Variants in ETS2 observed in about 807,000 individuals in gnomAD.
The protein encoded by ETS2 is ETS proto-oncogene 2, transcription factor, also known as protein C-ets-2.
ETS2 carries 19 observed loss-of-function variants against 54.9 expected under a neutral mutation model. The ratio of observed to expected loss-of-function variants is 0.35; its 90% confidence interval spans 0.24 to 0.51. The LOEUF is 0.51. ETS2 is among the 20% of genes least tolerant of loss of function. The pLI is 0.97. For missense variants in ETS2, 417 were observed against 593.0 expected (o/e 0.70, Z 3.08); for synonymous variants, 219 against 229.3 (o/e 0.95, Z 0.41).
At chr21:38,818,728 C>G (rs1444939839) in intron 7 of ETS2, 82 bp downstream of exon 7, 2 of 1,487,076 alleles carry the variant, frequency 1.3e-6, no homozygotes, top group Non-Finnish European at 1.9e-6. Flanking sequence ...TTAATAAATA[C>G]TTCCTGGATT....
intron 6 of ETS2, among the ~76,000 whole-genome samples, chr21:38,817,493 T>A (rs942372476): frequency 3.0e-4 from 46 of 152,368 alleles, no homozygotes; most frequent in African/African-American, 1.1e-3. Context: ...CGATCTTCCA[T>A]AGGTCAGCAC....
intron 6 of ETS2, among the ~76,000 whole-genome samples, chr21:38,817,573 A>C (rs2060940402): frequency 6.6e-6 from 1 of 152,252 alleles, no homozygotes; most frequent in South Asian, 2.1e-4. Context: ...CGCAGTCACC[A>C]GTAATGTTGG....
chr21:38,805,730 GC>G, upstream of ETS2: 2 of 915,002 alleles, frequency 2.2e-6, no homozygotes, highest in Admixed American at 9.2e-5. The surrounding 1 kb of genome is among the most constrained non-coding windows in gnomAD (Gnocchi z 5.2). Flanking sequence ...CCCTCCTGCT[GC>G]CCCCTTCCCT....
In ETS2 at chr21:38,814,342, C is replaced by T; in HGVS notation, c.254C>T (p.Ala85Val). Residue 85 changes from alanine (A) to valine (V), a missense_variant, in exon 4 of 10, where the codon GCT becomes GTT. Physicochemically the swap from Ala to Val is moderately conservative, Grantham distance 64. Coordinates refer to ENST00000360938, the MANE Select transcript of ETS2 (RefSeq NM_005239.6). The surrounding 1 kb of genome is among the most constrained non-coding windows in gnomAD (Gnocchi z 4.2). ...GCTGTGATGAGTCAAGCCTTAAAAG[C>T]TACCTTCAGTGGCTTCAAAAAGGAA... ...SKAVMSQALK[A>V]TFSGFKKEQR... The T allele has an allele frequency of 6.2e-7, 1 of 1,614,126 alleles. No homozygotes were observed.
chr21:38,821,738 G>T lies in ETS2; in HGVS notation c.1194+34G>T. On this transcript the variant is annotated intron_variant, in intron 9 of 9. Coordinates refer to ENST00000360938, the MANE Select transcript of ETS2 (RefSeq NM_005239.6). This position sits in a 1 kb window ranked among gnomAD's most constrained non-coding sequence, Gnocchi z 4.2. Reference sequence around the variant, plus strand: ...AGAGCCCTGGGAAATCTCTGGGCTTGAAAACCTGATTTCCTGCTTGCATTC... The same window carrying T: ...AGAGCCCTGGGAAATCTCTGGGCTTTAAAACCTGATTTCCTGCTTGCATTC... The T allele has an allele frequency of 6.8e-7, 1 of 1,473,378 alleles. No homozygotes were observed. Among genetic ancestry groups the T allele is most frequent in the South Asian group, 1.1e-5 (1 of 87,986 alleles). 91.3% of individuals were successfully genotyped at this position (1,473,378 alleles called of 1,614,324 possible). A position where few individuals can be genotyped will look rare whatever the true frequency, so the allele number is the denominator to read the frequency against.
At chr21:38,816,942 G>A in intron 5 of ETS2, 66 bp from the exon 6 acceptor site, 1 of 854,288 alleles carries the variant, frequency 1.2e-6, no homozygotes, top group South Asian at 1.4e-5. Flanking sequence ...AATTCAGAAA[G>A]TCAATTTGTT....
chr21:38,805,618 T>C, upstream of ETS2: 1 of 1,250,968 alleles, frequency 8.0e-7, no homozygotes, highest in Non-Finnish European at 1.0e-6. This position sits in a 1 kb window ranked among gnomAD's most constrained non-coding sequence, Gnocchi z 5.2. Flanking sequence ...GGAGGGAAGG[T>C]TGGGCCGGAA....
chr21:38,813,837 T>A (rs960377064), intron 3 of ETS2, among the ~76,000 whole-genome samples: 49 of 152,210 alleles, frequency 3.2e-4, no homozygotes, highest in African/African-American at 1.2e-3. Flanking sequence ...AAGGTGTGGT[T>A]CCATTACCGT....
chr21:38,809,554 T>A (rs2123407444), intron 1 of ETS2: 1 of 153,542 alleles, frequency 6.5e-6, no homozygotes, highest in Non-Finnish European at 1.5e-5. Flanking sequence ...CCTGGACTCC[T>A]TTCCTGTCTC....
intron 9 of ETS2, among the ~76,000 whole-genome samples, chr21:38,822,425 C>T (rs1030332381): frequency 3.3e-5 from 5 of 152,178 alleles, no homozygotes; most frequent in African/African-American, 4.8e-5. Context: ...CAGGAGGTTT[C>T]ACTGAGCTGG....
In ETS2 at chr21:38,821,632, A is replaced by G; in HGVS notation, c.1122A>G (p.Ser374=). The G allele has an allele frequency of 1.9e-6, 3 of 1,614,226 alleles. No individual in the cohort carries two copies. Among genetic ancestry groups the G allele is most frequent in the Non-Finnish European group, 2.5e-6 (3 of 1,180,036 alleles). ...QLWQFLLELL[S]DKSCQSFISW... The stretch of plus-strand genomic sequence containing the variant: ...GGCAGTTTCTCCTGGAGCTGCTATC[A>G]GACAAATCCTGCCAGTCATTCATCA... Residue 374 remains serine (S), a synonymous_variant, in exon 9 of 10, where the codon TCA becomes TCG. Transcript: ENST00000360938. The surrounding 1 kb of genome is among the most constrained non-coding windows in gnomAD (Gnocchi z 4.2).
In ETS2 at chr21:38,818,665, T is replaced by G; in HGVS notation, c.811+19T>G. On this transcript the variant is annotated intron_variant, in intron 7 of 9. Coordinates refer to ENST00000360938, the MANE Select transcript of ETS2 (RefSeq NM_005239.6). Reference sequence around the variant, plus strand: ...AATTCTGGTAAGATTGGAAGCATCTTTCAACAAGGCTGTTGCTTTGATTCT... The same window carrying G: ...AATTCTGGTAAGATTGGAAGCATCTGTCAACAAGGCTGTTGCTTTGATTCT... The G allele has an allele frequency of 6.2e-7, 1 of 1,613,768 alleles. No homozygotes were observed.
Position 38,815,084 on chromosome 21 carries a change from T to A in ETS2, c.505+103T>A, listed in dbSNP as rs568578010. On this transcript the variant is annotated intron_variant, in intron 5 of 9. Coordinates refer to ENST00000360938, the MANE Select transcript of ETS2 (RefSeq NM_005239.6). ...TGTTCTTCAACCTTAGGGTTGCCACTTGAAATGACATAGAGTACCTTGCCT... is the reference window on the plus strand; with the variant it reads ...TGTTCTTCAACCTTAGGGTTGCCACATGAAATGACATAGAGTACCTTGCCT... The A allele has an allele frequency of 1.4e-4, 157 of 1,123,156 alleles. 4 individuals are homozygous for A. In the South Asian group the frequency reaches 2.1e-3, roughly 15 times the overall value. The allele number at this position is 1,123,156 out of a possible 1,614,324, so 69.6% of individuals were successfully genotyped here. A position where few individuals can be genotyped will look rare whatever the true frequency, so the allele number is the denominator to read the frequency against.
intron 7 of ETS2, 128 bp downstream of exon 7, chr21:38,818,774 A>C: frequency 1.8e-6 from 2 of 1,103,116 alleles, no homozygotes; most frequent in Non-Finnish European, 2.6e-6. Context: ...CCCATGTTCT[A>C]AGTGGATTTC....
intron 9 of ETS2, 130 bp from the exon 10 acceptor site, chr21:38,822,543 CG>C (rs2060962382): frequency 1.4e-6 from 1 of 738,336 alleles, no homozygotes; most frequent in Admixed American, 2.6e-5. Flanking sequence ...GGTCCTCCTG[CG>C]GACCTTGTGT....
At chr21:38,820,273 C>T (rs1425743851) in intron 8 of ETS2, among the ~76,000 whole-genome samples, 15 of 152,068 alleles carry the variant, frequency 9.9e-5, no homozygotes, top group African/African-American at 1.7e-4. Flanking sequence ...AGTACTTTAG[C>T]GAAAATACTG....
In ETS2 at chr21:38,824,403, G is replaced by GC. The variant is rs2060970793; in HGVS notation, c.*1515dup. The GC allele has an allele frequency of 6.7e-6, 1 of 150,186 alleles. No individual in the cohort carries two copies. The highest frequency in any genetic ancestry group is 2.1e-4 in the South Asian group (1 of 4,712). The allele number at this position is 150,186 out of a possible 1,614,324, so 9.3% of individuals were successfully genotyped here. A position where few individuals can be genotyped will look rare whatever the true frequency, so the allele number is the denominator to read the frequency against. The stretch of plus-strand genomic sequence containing the variant: ...AGACTTTTGTAGTCGTTTCAAAAGA[G>GC]CACCTGAGTCATGTGTATTCCCGGC... On this transcript the variant is annotated 3_prime_UTR_variant, in exon 10 of 10. Coordinates refer to ENST00000360938, the MANE Select transcript of ETS2 (RefSeq NM_005239.6).
chr21:38,817,057 C>T lies in ETS2; in HGVS notation c.555C>T (p.Thr185=), dbSNP rs1400926350. 6.2e-7 allele frequency: 1 copy of T among 1,612,592 alleles called. No homozygotes were observed. The highest frequency in any genetic ancestry group is 1.7e-5 in the Admixed American group (1 of 59,996). Reference sequence around the variant, plus strand: ...AATATGAAGAAAATTCACACCTCACCTCCGTTCCTCATTGGATTAACAGCA... The same window carrying T: ...AATATGAAGAAAATTCACACCTCACTTCCGTTCCTCATTGGATTAACAGCA... ...EDQYEENSHL[T]SVPHWINSNT... Residue 185 remains threonine, a synonymous_variant, in exon 6 of 10, where the codon ACC becomes ACT. Coordinates refer to ENST00000360938, the MANE Select transcript of ETS2 (RefSeq NM_005239.6).
chr21:38,805,644 C>T (rs2060888811), upstream of ETS2: 1 of 1,207,348 alleles, frequency 8.3e-7, no homozygotes, highest in East Asian at 5.9e-5. The surrounding 1 kb of genome is among the most constrained non-coding windows in gnomAD (Gnocchi z 5.2). Flanking sequence ...CAGCCCCGCC[C>T]CGCGCTCCCT....
Sources: allele counts gnomAD v4.1 joint callset (sites outside exome capture counted in the v4.1 genomes callset), GRCh38; gene constraint gnomAD v4.1.1; non-coding constraint Gnocchi (gnomAD v3.1); transcripts MANE v1.5; gene names NCBI Gene and HGNC (gene_info 2026-07-23, HGNC 2026-07-21).